Variants in GZMB observed in about 807,000 individuals in gnomAD.
GZMB encodes the protein granzyme B, also known as T-cell serine protease 1-3E.
In GZMB, 27 loss-of-function variants were observed where a neutral mutation model predicts 24.2. That is an observed-to-expected ratio of 1.12 (90% CI 0.82 to 1.54). The LOEUF is 1.54. GZMB is among the 40% of genes most tolerant of loss of function. The pLI is 0.00. For synonymous variants in GZMB, 121 were observed against 115.1 expected, an observed-to-expected ratio of 1.05 and a Z score of -0.33; for missense variants, 336 against 310.1, an observed-to-expected ratio of 1.08 and a Z score of -0.63.
rs756068868 is a variant in GZMB, at chr14:24,631,222, TAGAGA to T, written c.601-13_601-9del. The T allele has an allele frequency of 8.7e-6, 14 of 1,612,068 alleles. No homozygotes were observed. The South Asian group carries it at 1.4e-4, about 16-fold the overall frequency. On this transcript the variant is annotated splice_polypyrimidine_tract_variant and intron_variant, in intron 4 of 4. Coordinates refer to ENST00000216341, the MANE Select transcript of GZMB (RefSeq NM_004131.6). Reference sequence around the variant, plus strand: ...AGGGCCTCCAGAGTCCCCCTGTGAATAGAGAGTGGAAGGACTGAGCTGATGCTCCT... The same window carrying T: ...AGGGCCTCCAGAGTCCCCCTGTGAATGTGGAAGGACTGAGCTGATGCTCCT...
rs768588540 is a variant in GZMB at position 24,633,024 on chromosome 14, G to A, written c.94C>T (p.Arg32Cys). ...ATCATAAGATAAGCCATGTAGGGGC[G>A]GGAGTGGGGCTTGGCCTCATGTCCC... Reference protein sequence around the residue: ...IGGHEAKPHSRPYMAYLMIWD... With the variant: ...IGGHEAKPHSCPYMAYLMIWD... Residue 32 changes from arginine to cysteine, a missense_variant, in exon 2 of 5, where the codon CGC (arginine) becomes TGC (cysteine). Physicochemically the swap from Arg to Cys is radical, Grantham distance 180. Transcript: ENST00000216341. The A allele has an allele frequency of 5.0e-5, 81 of 1,613,296 alleles. No individual in the cohort carries two copies. Among genetic ancestry groups the A allele is most frequent in the African/African-American group, 8.0e-5 (6 of 74,888 alleles).
At chr14:24,632,248 AG>A in intron 3 of GZMB, 75 bp downstream of exon 3, 1 of 1,528,248 alleles carries the variant, frequency 6.5e-7, no homozygotes, top group Non-Finnish European at 9.0e-7. Flanking sequence ...GATGGAAAGG[AG>A]GGAAGGGCCG....
rs767220668 is a variant in GZMB, at chr14:24,631,079, G to A, written c.736C>T (p.Arg246Cys). 64 of 1,612,690 alleles carry A rather than the reference G, an allele frequency of 4.0e-5. No homozygotes were observed. The highest frequency in any genetic ancestry group is 5.5e-5 in the South Asian group (5 of 91,040). ...FVHWIKKTMK[R>C]Y Reference sequence around the variant, plus strand: ...TAGTTTGCTTCCTGTAGTTAGTAGCGTTTCATGGTTTTCTTTATCCAGTGT... The same window carrying A: ...TAGTTTGCTTCCTGTAGTTAGTAGCATTTCATGGTTTTCTTTATCCAGTGT... The change falls in exon 5 of 5, where the codon CGC becomes TGC. Residue 246 changes from arginine (R) to cysteine (C), a missense_variant. Arg to Cys is a radical substitution (Grantham distance 180, BLOSUM62 -3). Coordinates refer to ENST00000216341, the MANE Select transcript of GZMB (RefSeq NM_004131.6).
chr14:24,632,545 G>C, intron 2 of GZMB, 86 bp from the exon 3 acceptor site: 2 of 1,592,092 alleles, frequency 1.3e-6, no homozygotes, highest in Non-Finnish European at 1.7e-6. Flanking sequence ...AGCTGGGGCA[G>C]GGCTGCAGCT....
At chr14:24,631,783 T>C (rs2066996583) in intron 4 of GZMB, 75 bp downstream of exon 4, 3 of 1,226,346 alleles carry the variant, frequency 2.4e-6, no homozygotes, top group Non-Finnish European at 3.6e-6. Flanking sequence ...CCCCCACTAC[T>C]TGAGTCTCCA....
At chr14:24,631,719 A>G in intron 4 of GZMB, 139 bp downstream of exon 4, 1 of 759,268 alleles carries the variant, frequency 1.3e-6, no homozygotes, top group South Asian at 1.7e-5. Flanking sequence ...AGCTCAGTCT[A>G]GTCCCCTCTT....
intron 1 of GZMB, 163 bp downstream of exon 1, chr14:24,633,943 A>G: frequency 1.4e-6 from 1 of 735,144 alleles, no homozygotes; most frequent in Non-Finnish European, 2.4e-6. Flanking sequence ...CTGCTCTGCC[A>G]TTCCTGCTGA....
intron 1 of GZMB, chr14:24,633,389 A>AAAC: frequency 1.5e-6 from 1 of 687,958 alleles, no homozygotes; most frequent in Non-Finnish European, 1.8e-6. Flanking sequence ...GGTGTCTAGG[A>AAAC]TAGTGCTGCT....
In GZMB at chr14:24,633,001, C is replaced by T; in HGVS notation, c.117G>A (p.Met39Ile). The T allele has an allele frequency of 1.2e-6, 2 of 1,613,994 alleles. No individual in the cohort carries two copies. The highest frequency in any genetic ancestry group is 1.7e-6 in the Non-Finnish European group (2 of 1,179,926). Reference sequence around the variant, plus strand: ...TCTTCAGAGACTTCTGATCCCAGATCATAAGATAAGCCATGTAGGGGCGGG... The same window carrying T: ...TCTTCAGAGACTTCTGATCCCAGATTATAAGATAAGCCATGTAGGGGCGGG... Reference protein sequence around the residue: ...PHSRPYMAYLMIWDQKSLKRC... With the variant: ...PHSRPYMAYLIIWDQKSLKRC... Residue 39 changes from methionine to isoleucine, a missense_variant, in exon 2 of 5, where the codon ATG becomes ATA. By Grantham distance (10) the Met-to-Ile change is conservative (BLOSUM62 1). Coordinates refer to ENST00000216341, the MANE Select transcript of GZMB (RefSeq NM_004131.6).
In GZMB at chr14:24,632,016, C is replaced by T. The variant is rs1362167140; in HGVS notation, c.442G>A (p.Gly148Arg). 7 of 1,614,186 alleles carry T rather than the reference C, an allele frequency of 4.3e-6. No homozygotes were observed. The East Asian group carries it at 8.9e-5, about 21-fold the overall frequency. Residue 148 changes from glycine (G) to arginine (R), a missense_variant, in exon 4 of 5, where the codon GGG becomes AGG. By Grantham distance (125) the Gly-to-Arg change is moderately radical (BLOSUM62 -2). Transcript: ENST00000216341. ...TGTTTTCCCAGGGGGGCCGTCTGCC[C>T]CCAGCCGGCCACACTGCATGTCTGC... The part of the protein sequence containing the change: ...PGQTCSVAGW[G>R]QTAPLGKHSH...
Position 24,632,469 on chromosome 14 carries a change from G to A in GZMB, c.204-10C>T. 1.2e-6 allele frequency: 2 copies of A among 1,613,668 alleles called. No individual in the cohort carries two copies. The highest frequency in any genetic ancestry group is 1.7e-6 in the Non-Finnish European group (2 of 1,179,794). ...GGTGACATTTATGGAGCTGCACAGA[G>A]AGCAGAGTGAGGATGGGGGTGGAGT... On this transcript the variant is annotated splice_polypyrimidine_tract_variant and intron_variant, in intron 2 of 4. Coordinates refer to ENST00000216341, the MANE Select transcript of GZMB (RefSeq NM_004131.6).
intron 2 of GZMB, 83 bp downstream of exon 2, chr14:24,632,832 G>A (rs1052668847): frequency 5.1e-6 from 7 of 1,371,472 alleles, no homozygotes; most frequent in African/African-American, 2.8e-5. Context: ...GTGTTCACAG[G>A]AGCCCAGGGA....
rs2067001276 is a variant in GZMB at position 24,632,090 on chromosome 14, G to A, written c.368C>T (p.Ala123Val). ...GCTAGGTAGCCTGAGGGGCTGCACA[G>A]CTCTGGTCCGCTTGGCCTTTCTCTC... is the stretch of plus-strand genomic sequence containing the variant. Reference protein sequence around the residue: ...QLERKAKRTRAVQPLRLPSNK... With the variant: ...QLERKAKRTRVVQPLRLPSNK... Residue 123 changes from alanine (A) to valine (V), a missense_variant, in exon 4 of 5, where the codon GCT (alanine) becomes GTT (valine). Transcript: ENST00000216341. 1 of 1,613,952 alleles carries A rather than the reference G, an allele frequency of 6.2e-7. No individual in the cohort carries two copies. Among genetic ancestry groups the A allele is most frequent in the Non-Finnish European group, 8.5e-7 (1 of 1,179,960 alleles).
intron 4 of GZMB, 175 bp from the exon 5 acceptor site, chr14:24,631,389 A>G: frequency 1.7e-6 from 1 of 589,466 alleles, no homozygotes; most frequent in Non-Finnish European, 3.0e-6. Flanking sequence ...GGACATTGTT[A>G]CTGCTTCACC....
In GZMB at chr14:24,631,956, G is replaced by A. The variant is rs770877994; in HGVS notation, c.502C>T (p.Gln168Ter). 10 of 1,614,158 alleles carry A rather than the reference G, an allele frequency of 6.2e-6. No homozygotes were observed. The South Asian group carries it at 7.7e-5, about 12-fold the overall frequency. Residue 168 changes from glutamine to a stop codon, truncating the protein, a stop_gained, in exon 4 of 5, where the codon CAG (glutamine) becomes TAG (stop). Transcript: ENST00000216341. LOFTEE classifies it high-confidence loss of function. ...HTLQEVKMTV[Q>*]EDRKCESDLR... The stretch of plus-strand genomic sequence containing the variant: ...TCAGATTCGCACTTTCGATCTTCCT[G>A]CACTGTCATCTTCACCTCTTGTAGT...
At chr14:24,632,822 G>T in intron 2 of GZMB, 93 bp downstream of exon 2, 1 of 1,273,404 alleles carries the variant, frequency 7.9e-7, no homozygotes, top group African/African-American at 1.5e-5. Context: ...CCTGGCATGT[G>T]TGTTCACAGG....
Position 24,634,084 on chromosome 14 carries a change from G to A in GZMB, c.55+22C>T, listed in dbSNP as rs201881477. ...ACCTGTGGGATGGGGTTGGGCCCCC[G>A]AGGGTGGAGACGGTCACTCACCTGC... On this transcript the variant is annotated intron_variant, in intron 1 of 4. Transcript: ENST00000216341. The A allele has an allele frequency of 1.0e-3, 1,621 of 1,582,174 alleles. 4 individuals carry two copies. The highest frequency in any genetic ancestry group is 1.2e-3 in the Admixed American group (63 of 53,596).
At position 24,634,096 on chromosome 14, in the gene GZMB, G is replaced by A. The variant is rs201057518; in HGVS notation, c.55+10C>T. 29 of 1,588,330 alleles carry A rather than the reference G, an allele frequency of 1.8e-5. No homozygotes were observed. Among genetic ancestry groups the A allele is most frequent in the South Asian group, 5.8e-5 (5 of 86,354 alleles). On this transcript the variant is annotated intron_variant, in intron 1 of 4. Transcript: ENST00000216341. ...GGGTTGGGCCCCCGAGGGTGGAGAC[G>A]GTCACTCACCTGCATCTGCCCTGGG...
In GZMB at chr14:24,631,178, C is replaced by A. The variant is rs2066991295; in HGVS notation, c.637G>T (p.Ala213Ser). The stretch of plus-strand genomic sequence containing the variant: ...CGTCCATAGGAGACAATGCCCTGGG[C>A]CACCTTGTTACACACAAGAGGGCCT... ...SGGPLVCNKVAQGIVSYGRNN... is the reference protein window; with the variant it reads ...SGGPLVCNKVSQGIVSYGRNN... Residue 213 changes from alanine to serine, a missense_variant, in exon 5 of 5, where the codon GCC becomes TCC. Physicochemically the swap from Ala to Ser is moderately conservative, Grantham distance 99. Transcript: ENST00000216341. The A allele has an allele frequency of 3.1e-6, 5 of 1,613,288 alleles. No homozygotes were observed. The highest frequency in any genetic ancestry group is 1.7e-5 in the Admixed American group (1 of 59,996).
Sources: gnomAD v4.1 joint callset for allele counts on GRCh38, gnomAD v4.1.1 for gene constraint, MANE v1.5 for transcripts, NCBI Gene and HGNC (gene_info 2026-07-23, HGNC 2026-07-21) for gene names.